Variants in KLHL33 observed in about 807,000 individuals in gnomAD.
The protein encoded by KLHL33 is kelch like family member 33.
In KLHL33, 46 loss-of-function variants were observed where a neutral mutation model predicts 60.8. The ratio of observed to expected loss-of-function variants is 0.76; its 90% CI spans 0.60 to 0.97. KLHL33 has a LOEUF of 0.97. KLHL33 is among the 50% of genes least tolerant of loss of function. The pLI is 0.00. For missense variants in KLHL33, 1,055 were observed against 1,000.0 expected (o/e 1.05, Z -0.74); for synonymous variants, 434 against 432.2 (o/e 1.00, Z -0.05).
Position 20,426,274 on chromosome 14 carries a change from G to A in KLHL33, c.*2575C>T, listed in dbSNP as rs1880266258. The A allele has an allele frequency of 6.6e-6, 1 of 152,054 alleles. No individual in the cohort carries two copies. Among genetic ancestry groups the A allele is most frequent in the African/African-American group, 2.4e-5 (1 of 41,366 alleles). The allele number at this position is 152,054 out of a possible 1,614,324, so 9.4% of individuals were successfully genotyped here. A position where few individuals can be genotyped will look rare whatever the true frequency, so the allele number is the denominator to read the frequency against. On this transcript the variant is annotated 3_prime_UTR_variant, in exon 5 of 5. Transcript: ENST00000636854. The stretch of plus-strand genomic sequence containing the variant: ...CCCAGCACTTTCGGAGGTCGAGGTG[G>A]GTGGATCACCTGAGGTCGGGAGTTC...
At chr14:20,432,977 A>AGAAAGAAAGAAAGAAAGAAG (rs1880567906) in intron 2 of KLHL33, among the ~76,000 whole-genome samples, 1 of 151,890 alleles carries the variant, frequency 6.6e-6, no homozygotes, top group Non-Finnish European at 1.5e-5. Context: ...AAAGAAAGAA[A>AGAAAGAAAGAAAGAAAGAAG]GAAAGAAAGA....
chr14:20,430,748 G>A (rs1183620403), intron 2 of KLHL33, 29 bp from the exon 3 acceptor site: 1 of 1,442,782 alleles, frequency 6.9e-7, no homozygotes, highest in Non-Finnish European at 9.2e-7. Context: ...AATAGAGGAG[G>A]ACTCAAAGTA....
rs1880278581 is a variant in KLHL33 at position 20,426,564 on chromosome 14, A to G, written c.*2285T>C. The stretch of plus-strand genomic sequence containing the variant: ...CTGGAGAGGATGTGGAGAAATAGGA[A>G]CACTTTTACACTGTTGGTGGGACTG... On this transcript the variant is annotated 3_prime_UTR_variant, in exon 5 of 5. Transcript: ENST00000636854. 1 of 151,916 alleles carries G rather than the reference A, an allele frequency of 6.6e-6. No homozygotes were observed. The highest frequency in any genetic ancestry group is 2.4e-5 in the African/African-American group (1 of 41,342). 9.4% of individuals were successfully genotyped at this position (151,916 alleles called of 1,614,324 possible). A position where few individuals can be genotyped will look rare whatever the true frequency, so the allele number is the denominator to read the frequency against.
Position 20,429,810 on chromosome 14 carries a change from A to C in KLHL33, c.1658T>G (p.Leu553Arg). The change falls in exon 3 of 5, where the codon CTG becomes CGG. Residue 553 changes from leucine to arginine, a missense_variant. Transcript: ENST00000636854. ...AAGCTTATACCTGAGAGTTGAAGCC[A>C]GGGTGTTGGAGTGACTGTAGAAATC... ...GQDFYSHSNT[L>R]ASTLRWEPSQ... is the part of the protein sequence containing the mutation. The C allele has an allele frequency of 6.5e-7, 1 of 1,537,872 alleles. No homozygotes were observed. The highest frequency in any genetic ancestry group is 1.4e-5 in the African/African-American group (1 of 72,758).
In KLHL33 at chr14:20,426,567, C is replaced by T. The variant is rs1315006653; in HGVS notation, c.*2282G>A. 1 of 150,912 alleles carries T rather than the reference C, an allele frequency of 6.6e-6. No homozygotes were observed. Among genetic ancestry groups the T allele is most frequent in the Non-Finnish European group, 1.5e-5 (1 of 67,790 alleles). 9.3% of individuals were successfully genotyped at this position (150,912 alleles called of 1,614,324 possible). On this transcript the variant is annotated 3_prime_UTR_variant, in exon 5 of 5. Coordinates refer to ENST00000636854, the MANE Select transcript of KLHL33 (RefSeq NM_001365790.2). ...GAGAGGATGTGGAGAAATAGGAACA[C>T]TTTTACACTGTTGGTGGGACTGTAA...
In KLHL33 at chr14:20,427,969, A is replaced by C. The variant is rs900007739; in HGVS notation, c.*880T>G. 4.6e-5 allele frequency: 7 copies of C among 152,278 alleles called. No homozygotes were observed. Among genetic ancestry groups the C allele is most frequent in the Admixed American group, 3.9e-4 (6 of 15,284 alleles). The allele number at this position is 152,278 out of a possible 1,614,324, so 9.4% of individuals were successfully genotyped here. A position where few individuals can be genotyped will look rare whatever the true frequency, so the allele number is the denominator to read the frequency against. ...CTGCTTCTCACTCTTCTCTCCCCCCACATCCTCTCACCACTTGAGACCTCA... is the reference window on the plus strand; with the variant it reads ...CTGCTTCTCACTCTTCTCTCCCCCCCCATCCTCTCACCACTTGAGACCTCA... On this transcript the variant is annotated 3_prime_UTR_variant, in exon 5 of 5. Transcript: ENST00000636854.
intron 1 of KLHL33, 120 bp from the exon 2 acceptor site, chr14:20,435,950 ACCCT>A: frequency 1.6e-6 from 1 of 619,188 alleles, no homozygotes; most frequent in Non-Finnish European, 2.3e-6. Flanking sequence ...CCCTCCTCCT[ACCCT>A]CAGCCACATC....
chr14:20,430,009 T>C lies in KLHL33; in HGVS notation c.1459A>G (p.Met487Val), dbSNP rs756603895. ...GCTCGGGATGGTTGTCTTAGGGCCA[T>C]GTCTGGTCTGAGCCCATCCCCGCCA... ...VIGGDGLRPD[M>V]ALRQPSRAVW... The change falls in exon 3 of 5, where the codon ATG becomes GTG. Residue 487 changes from methionine to valine, a missense_variant. Transcript: ENST00000636854. The C allele has an allele frequency of 5.3e-5, 82 of 1,551,738 alleles. 1 individual carries two copies. The Middle Eastern group carries it at 4.3e-3, about 82-fold the overall frequency.
intron 3 of KLHL33, 22 bp from the exon 4 acceptor site, chr14:20,429,691 A>C: frequency 6.5e-7 from 1 of 1,547,442 alleles, no homozygotes; most frequent in South Asian, 1.2e-5. Flanking sequence ...AGGACAAGAG[A>C]TTGGAAGAGG....
At position 20,430,256 on chromosome 14, in the gene KLHL33, T is replaced by A; in HGVS notation, c.1212A>T (p.Ala404=). ...VQEEFEAFVA[A]RCWLAANPET... ...CGGGGTTGGCAGCCAGCCAACACCG[T>A]GCAGCCACAAAGGCCTCAAACTCCT... The change falls in exon 3 of 5, where the codon GCA becomes GCT. Residue 404 remains alanine (A), a synonymous_variant. Transcript: ENST00000636854. 1 of 1,551,552 alleles carries A rather than the reference T, an allele frequency of 6.4e-7. No individual in the cohort carries two copies. Among genetic ancestry groups the A allele is most frequent in the Non-Finnish European group, 8.7e-7 (1 of 1,146,976 alleles).
chr14:20,429,926 C>T lies in KLHL33; in HGVS notation c.1542G>A (p.Trp514Ter), dbSNP rs1315108682. 1 of 1,551,748 alleles carries T rather than the reference C, an allele frequency of 6.4e-7. No homozygotes were observed. The highest frequency in any genetic ancestry group is 8.7e-7 in the Non-Finnish European group (1 of 1,147,014). ...GGGCAGGCAGGGCAGGCAGCTGCCCCCACTCAACAGTTCGTACCAGTCCCA... is the reference window on the plus strand; with the variant it reads ...GGGCAGGCAGGGCAGGCAGCTGCCCTCACTCAACAGTTCGTACCAGTCCCA... ...CGVGLVRTVE[W>*]GQLPALPAPG... Residue 514 changes from tryptophan (W) to a stop codon, truncating the protein, a stop_gained, in exon 3 of 5, where the codon TGG (tryptophan) becomes TGA (stop). Coordinates refer to ENST00000636854, the MANE Select transcript of KLHL33 (RefSeq NM_001365790.2). LOFTEE classifies it high-confidence loss of function.
Position 20,429,516 on chromosome 14 carries a change from C to T in KLHL33, c.1827G>A (p.Glu609=). 2.6e-6 allele frequency: 4 copies of T among 1,552,280 alleles called. No homozygotes were observed. The highest frequency in any genetic ancestry group is 3.5e-6 in the Non-Finnish European group (4 of 1,147,116). Residue 609 remains glutamate, a synonymous_variant, in exon 4 of 5, where the codon GAG becomes GAA. Transcript: ENST00000636854. ...TGCCTGCTTACCTCCAGACATTGAG[C>T]TCAGGGTTGTAGGTCTCCACAGAGT... is the stretch of plus-strand genomic sequence containing the variant. ...ALDSVETYNP[E]LNVWRPAPAL... is the part of the protein sequence containing the mutation.
In KLHL33 at chr14:20,435,171, G is replaced by C; in HGVS notation, c.641C>G (p.Pro214Arg). The change falls in exon 2 of 5, where the codon CCC (proline) becomes CGC (arginine). Residue 214 changes from proline (P) to arginine (R), a missense_variant. Transcript: ENST00000636854. ...CTCCCTCAGCTCCTCTGCCTGGCTG[G>C]GCTTCTTTACATCTTCCCTGGCATT... Reference protein sequence around the residue: ...AGNAREDVKKPSQAEELRENL... With the variant: ...AGNAREDVKKRSQAEELRENL... 1 of 1,234,394 alleles carries C rather than the reference G, an allele frequency of 8.1e-7. No homozygotes were observed. 76.5% of individuals were successfully genotyped at this position (1,234,394 alleles called of 1,614,324 possible).
chr14:20,433,023 G>T (rs1269720063), intron 2 of KLHL33, among the ~76,000 whole-genome samples: 1 of 150,636 alleles, frequency 6.6e-6, no homozygotes, highest in East Asian at 2.0e-4. Context: ...GCATGATAAA[G>T]GTATTATGGT....
intron 2 of KLHL33, among the ~76,000 whole-genome samples, chr14:20,432,174 G>A (rs1464645501): frequency 6.6e-6 from 1 of 151,872 alleles, no homozygotes; most frequent in Non-Finnish European, 1.5e-5. Flanking sequence ...GAGTGCAGTG[G>A]TACAATCTCG....
chr14:20,431,941 CA>C lies in KLHL33; in HGVS notation c.749-1223del, dbSNP rs1258371934. Among the ~76,000 whole-genome samples, 4 of 152,114 alleles carry C rather than the reference CA, an allele frequency of 2.6e-5. 1 individual carries two copies. In the South Asian group the frequency reaches 8.3e-4, roughly 31 times the overall value. ...TGTCCTATTAACCTACGCTGTTAAACAATTAGACCTCATACTCAGCATCACT... is the reference window on the plus strand; with the variant it reads ...TGTCCTATTAACCTACGCTGTTAAACATTAGACCTCATACTCAGCATCACT... On this transcript the variant is annotated intron_variant, in intron 2 of 4. Transcript: ENST00000636854.
In KLHL33 at chr14:20,430,365, G is replaced by C. The variant is rs1326700954; in HGVS notation, c.1103C>G (p.Ala368Gly). ...ARHYLLTHLP[A>G]VALCPAFPSL... is the part of the protein sequence containing the mutation. ...AGGGAAAGCAGGACACAAGGCTACA[G>C]CAGGCAGGTGGGTGAGGAGGTAGTG... is the stretch of plus-strand genomic sequence containing the variant. The change falls in exon 3 of 5, where the codon GCT becomes GGT. Residue 368 changes from alanine (A) to glycine (G), a missense_variant. Ala to Gly is a moderately conservative substitution (Grantham distance 60, BLOSUM62 0). Transcript: ENST00000636854. The C allele has an allele frequency of 1.3e-6, 2 of 1,551,898 alleles. No individual in the cohort carries two copies.
chr14:20,431,969 A>G (rs911696916), intron 2 of KLHL33, among the ~76,000 whole-genome samples: 6 of 152,196 alleles, frequency 3.9e-5, no homozygotes, highest in African/African-American at 1.4e-4. Flanking sequence ...AGCATCACTT[A>G]TGGATTATTC....
intron 1 of KLHL33, 37 bp downstream of exon 1, chr14:20,436,062 C>A: frequency 2.9e-6 from 1 of 343,994 alleles, no homozygotes; most frequent in Middle Eastern, 7.4e-4. Context: ...TAACCGGGAC[C>A]ACACCCCTCC....
Sources: allele counts gnomAD v4.1 joint callset (sites outside exome capture counted in the v4.1 genomes callset), GRCh38; gene constraint gnomAD v4.1.1; transcripts MANE v1.5; gene names NCBI Gene and HGNC (gene_info 2026-07-23, HGNC 2026-07-21).